The following FBXL20 variants were observed in gnomAD, a reference collection of about 807,000 sequenced individuals.
FBXL20 encodes the protein F-box and leucine rich repeat protein 20.
Under a neutral mutation model 64.0 loss-of-function variants are expected in FBXL20, and 11 were observed. That is an observed-to-expected ratio of 0.17 (90% CI 0.11 to 0.28). The LOEUF is 0.28. FBXL20 is among the 10% of genes least tolerant of loss of function. The pLI is 1.00. For missense variants in FBXL20, 303 were observed against 526.2 expected, an observed-to-expected ratio of 0.58 and a Z score of 4.15; for synonymous variants, 184 against 189.0, an observed-to-expected ratio of 0.97 and a Z score of 0.22.
chr17:39,269,904 C>G (rs1032261855), intron 11 of FBXL20, among the ~76,000 whole-genome samples: 3 of 152,254 alleles, frequency 2.0e-5, no homozygotes, highest in African/African-American at 4.8e-5. Flanking sequence ...GCATGAGCCA[C>G]TGCACCCAGG....
chr17:39,275,026 G>A lies in FBXL20; in HGVS notation c.771C>T (p.Cys257=). ...HKLQSLCASG[C]SNITDAILNA... is the part of the protein sequence containing the mutation. ...TCAGGATGGCATCTGTGATGTTGGA[G>A]CAGCCAGAGGCACAAAGGGATTGTA... Residue 257 remains cysteine (C), a synonymous_variant, in exon 10 of 15, where the codon TGC becomes TGT. Transcript: ENST00000264658. 3.7e-6 allele frequency: 6 copies of A among 1,614,086 alleles called. No individual in the cohort carries two copies. Among genetic ancestry groups the A allele is most frequent in the Non-Finnish European group, 5.1e-6 (6 of 1,179,992 alleles).
intron 2 of FBXL20, among the ~76,000 whole-genome samples, chr17:39,332,196 A>G (rs1247766600): frequency 1.3e-5 from 2 of 152,238 alleles, no homozygotes; most frequent in Non-Finnish European, 2.9e-5. Flanking sequence ...TACAAGAAAT[A>G]TAAAACATTG....
intron 2 of FBXL20, among the ~76,000 whole-genome samples, chr17:39,305,428 G>C (rs1567872119): frequency 6.6e-6 from 1 of 152,204 alleles, no homozygotes; most frequent in Non-Finnish European, 1.5e-5. Flanking sequence ...TGGGAGATCA[G>C]GCAAGGTGGC....
chr17:39,402,173 T>TG, upstream of FBXL20: 2 of 1,232,680 alleles, frequency 1.6e-6, no homozygotes, highest in Non-Finnish European at 2.0e-6. Flanking sequence ...TGTCACTCAC[T>TG]GTCGCCTTGA....
intron 1 of FBXL20, among the ~76,000 whole-genome samples, chr17:39,361,707 G>C (rs1027445589): frequency 1.1e-4 from 17 of 152,254 alleles, no homozygotes; most frequent in Admixed American, 1.1e-3. Context: ...TGAGGCAGGA[G>C]AACTGCTTGA....
rs540304205 is a variant in FBXL20, at chr17:39,265,038, G to T, written c.990+359C>A. On this transcript the variant is annotated intron_variant, in intron 13 of 14. Coordinates refer to ENST00000264658, the MANE Select transcript of FBXL20 (RefSeq NM_032875.3). ...AAGCTTTGATTGGTTCCATTCTTAC[G>T]ACCAGTAACATTACATCTTAAGGTG... is the stretch of plus-strand genomic sequence containing the variant. 3.9e-5 allele frequency among the ~76,000 whole-genome samples: 6 copies of T among 152,230 alleles called. No homozygotes were observed. In the South Asian group the frequency reaches 1.2e-3, roughly 32 times the overall value.
chr17:39,338,139 G>T (rs1349663926), intron 2 of FBXL20, among the ~76,000 whole-genome samples: 1 of 152,242 alleles, frequency 6.6e-6, no homozygotes, highest in Non-Finnish European at 1.5e-5. Flanking sequence ...GATGGTTGCC[G>T]TGTCTGTGTA....
intron 11 of FBXL20, among the ~76,000 whole-genome samples, chr17:39,270,579 T>C (rs1303398882): frequency 6.6e-6 from 1 of 152,160 alleles, no homozygotes; most frequent in Middle Eastern, 3.4e-3. Flanking sequence ...AAAAGTATCA[T>C]GAAGGGGTTT....
intron 1 of FBXL20, among the ~76,000 whole-genome samples, chr17:39,371,664 C>CT (rs76801256): frequency 0.016 from 2,355 of 143,130 alleles, 54 homozygotes; most frequent in African/African-American, 0.048. Context: ...TTACTTTTTT[C>CT]TTTTTTTTTT....
intron 2 of FBXL20, among the ~76,000 whole-genome samples, chr17:39,315,816 T>TGAGAGAGAGA (rs1350670159): frequency 6.5e-5 from 4 of 61,292 alleles, no homozygotes; most frequent in Non-Finnish European, 1.4e-4. Context: ...TGAGAGAGAG[T>TGAGAGAGAGA]GAGAGAGAGA....
Position 39,303,640 on chromosome 17 carries a change from C to CG in FBXL20, c.105-2_105-1insC. 1 of 1,606,874 alleles carries CG rather than the reference C, an allele frequency of 6.2e-7. No individual in the cohort carries two copies. The highest frequency in any genetic ancestry group is 1.7e-5 in the Admixed American group (1 of 58,848). ...AACAACATCTAGAAAAGAAAATATCCTAAAAAGAAAAGAGAGAAAGACAAA... is the reference window on the plus strand; with the variant it reads ...AACAACATCTAGAAAAGAAAATATCCGTAAAAAGAAAAGAGAGAAAGACAAA... On this transcript the variant is annotated splice_acceptor_variant, in intron 2 of 14. Transcript: ENST00000264658. LOFTEE classifies it high-confidence loss of function.
chr17:39,391,268 AATT>A (rs1390353907), intron 1 of FBXL20, among the ~76,000 whole-genome samples: 3 of 151,500 alleles, frequency 2.0e-5, no homozygotes, highest in Non-Finnish European at 4.4e-5. Context: ...AAAAAAAAAA[AATT>A]ATTAAGAAAA....
intron 1 of FBXL20, among the ~76,000 whole-genome samples, chr17:39,343,868 G>A (rs1027263602): frequency 6.6e-6 from 1 of 151,526 alleles, no homozygotes; most frequent in Non-Finnish European, 1.5e-5. Context: ...GCTAATTTTT[G>A]TTTGTTTGTT....
chr17:39,349,552 T>TAA (rs1397176541), intron 1 of FBXL20, among the ~76,000 whole-genome samples: 1 of 151,124 alleles, frequency 6.6e-6, no homozygotes, highest in Non-Finnish European at 1.5e-5. Flanking sequence ...TACACCACTG[T>TAA]ACTCCAGCCT....
At chr17:39,300,127 T>A (rs1043051572) in intron 4 of FBXL20, among the ~76,000 whole-genome samples, 9 of 152,194 alleles carry the variant, frequency 5.9e-5, no homozygotes, top group Non-Finnish European at 8.8e-5. Flanking sequence ...GCTTGCTGAA[T>A]AATTCTGTGG....
chr17:39,370,117 A>T (rs2144633141), intron 1 of FBXL20, among the ~76,000 whole-genome samples: 1 of 152,232 alleles, frequency 6.6e-6, no homozygotes, highest in East Asian at 1.9e-4. Context: ...CCTCAAAAAA[A>T]TAAATAAAAT....
intron 10 of FBXL20, among the ~76,000 whole-genome samples, chr17:39,272,025 G>T (rs892818185): frequency 6.6e-6 from 1 of 152,082 alleles, no homozygotes; most frequent in Non-Finnish European, 1.5e-5. Flanking sequence ...GAGGCAGGAG[G>T]ATCACTTGAG....
chr17:39,370,284 A>G (rs2047903584), intron 1 of FBXL20, among the ~76,000 whole-genome samples: 1 of 150,580 alleles, frequency 6.6e-6, no homozygotes. Context: ...TGAGATCAGG[A>G]GTTCGAGACC....
chr17:39,269,591 C>T (rs1162714932), intron 11 of FBXL20, among the ~76,000 whole-genome samples: 3 of 151,120 alleles, frequency 2.0e-5, no homozygotes, highest in Admixed American at 6.6e-5. Context: ...CTCCGCCTCC[C>T]GGATTCAAGC....
Sources: gnomAD v4.1 joint callset for allele counts (sites outside exome capture counted in the v4.1 genomes callset) on GRCh38, gnomAD v4.1.1 for gene constraint, MANE v1.5 for transcripts, NCBI Gene and HGNC (gene_info 2026-07-23, HGNC 2026-07-21) for gene names.